The following LMX1B variants were observed in gnomAD, a reference collection of about 807,000 sequenced individuals.
LMX1B encodes the protein LIM homeobox transcription factor 1 beta.
Under a neutral mutation model 51.4 loss-of-function variants are expected in LMX1B, and 12 were observed. The observed-to-expected ratio is 0.23, with a 90% CI of 0.15 to 0.38. The LOEUF (loss-of-function observed/expected upper bound fraction) is 0.38, where lower values mean the gene tolerates loss of function less well. Among genes scored for constraint, LMX1B ranks in the 10% least tolerant of loss-of-function variants. The pLI, the probability that LMX1B is intolerant of heterozygous loss-of-function variation, is 1.00. For synonymous variants in LMX1B, 237 were observed against 235.4 expected (o/e 1.01, Z -0.06); for missense variants, 445 against 571.1 (o/e 0.78, Z 2.25).
In LMX1B at chr9:126,626,925, G is replaced by A. The variant is rs1835545175; in HGVS notation, c.326+11356G>A. Among the ~76,000 whole-genome samples, 1 of 152,184 alleles carries A rather than the reference G, an allele frequency of 6.6e-6. No individual in the cohort carries two copies. The highest frequency in any genetic ancestry group is 6.5e-5 in the Admixed American group (1 of 15,286). ...GCAGATGGTTCCTATCAGCCCGGCC[G>A]GGCCCGCAGCGTCCGCCGGTCCGTC... is the stretch of plus-strand genomic sequence containing the variant. On this transcript the variant is annotated intron_variant, in intron 2 of 7. Coordinates refer to ENST00000373474, the MANE Select transcript of LMX1B (RefSeq NM_001174147.2). This position sits in a 1 kb window ranked among gnomAD's most constrained non-coding sequence, Gnocchi z 4.3.
intron 2 of LMX1B, among the ~76,000 whole-genome samples, chr9:126,687,645 A>G (rs1364743784): frequency 6.6e-6 from 1 of 152,240 alleles, no homozygotes; most frequent in Non-Finnish European, 1.5e-5. Flanking sequence ...GCTGCTTTAC[A>G]CTGACAACTC....
intron 2 of LMX1B, among the ~76,000 whole-genome samples, chr9:126,632,532 T>C (rs940172951): frequency 7.9e-5 from 12 of 152,124 alleles, no homozygotes; most frequent in Non-Finnish European, 1.8e-4. Context: ...TGAAGGTTAT[T>C]GGACAGGGGA....
intron 2 of LMX1B, among the ~76,000 whole-genome samples, chr9:126,652,216 A>G (rs1481384369): frequency 1.4e-5 from 2 of 144,676 alleles, no homozygotes; most frequent in African/African-American, 2.6e-5. Flanking sequence ...CCGAGGCATG[A>G]TTGAGAGGGG....
Position 126,613,957 on chromosome 9 carries a change from G to A in LMX1B, c.-493G>A, listed in dbSNP as rs982465599. ...CCAGCTCTAAACCCGGCGGCTCAGC[G>A]GGCGCACCATGGCACTGGAGTAGCG... On this transcript the variant is annotated 5_prime_UTR_variant, in exon 1 of 8. Coordinates refer to ENST00000373474, the MANE Select transcript of LMX1B (RefSeq NM_001174147.2). This position sits in a 1 kb window ranked among gnomAD's most constrained non-coding sequence, Gnocchi z 4.5. 3.4e-5 allele frequency among the ~76,000 whole-genome samples: 5 copies of A among 146,240 alleles called. No individual in the cohort carries two copies. The South Asian group carries it at 6.2e-4, about 18-fold the overall frequency.
intron 2 of LMX1B, among the ~76,000 whole-genome samples, chr9:126,685,839 C>T (rs936904485): frequency 6.6e-6 from 1 of 152,088 alleles, no homozygotes; most frequent in Admixed American, 6.6e-5. Context: ...TCATCATCCC[C>T]ATTGGACAGA....
chr9:126,652,001 G>C (rs939455088), intron 2 of LMX1B, among the ~76,000 whole-genome samples: 1 of 48,738 alleles, frequency 2.1e-5, no homozygotes, highest in Admixed American at 3.0e-4. Flanking sequence ...GGCCAGAGAT[G>C]GGGGGGGGCC....
rs1367508168 is a variant in LMX1B, at chr9:126,673,447, T to G, written c.327-17389T>G. Reference sequence around the variant, plus strand: ...CAGTGGGGTCAAGCTCAGGGACCAGTGTAGAAAGAGGCTAACCCAGGGCTC... The same window carrying G: ...CAGTGGGGTCAAGCTCAGGGACCAGGGTAGAAAGAGGCTAACCCAGGGCTC... On this transcript the variant is annotated intron_variant, in intron 2 of 7. Transcript: ENST00000373474. This position sits in a 1 kb window ranked among gnomAD's most constrained non-coding sequence, Gnocchi z 4.4. Among the ~76,000 whole-genome samples, 1 of 152,006 alleles carries G rather than the reference T, an allele frequency of 6.6e-6. No individual in the cohort carries two copies. Among genetic ancestry groups the G allele is most frequent in the Non-Finnish European group, 1.5e-5 (1 of 67,994 alleles).
At chr9:126,651,177 C>G (rs1027332714) in intron 2 of LMX1B, among the ~76,000 whole-genome samples, 2 of 152,046 alleles carry the variant, frequency 1.3e-5, no homozygotes, top group Non-Finnish European at 2.9e-5. Context: ...CCCTCCTTCT[C>G]TCCGTGCTGG....
chr9:126,670,967 C>T (rs142494561), intron 2 of LMX1B, among the ~76,000 whole-genome samples: 7 of 152,198 alleles, frequency 4.6e-5, no homozygotes, highest in Non-Finnish European at 1.0e-4. Context: ...GGGAGCCCAG[C>T]ACACACAGAC....
rs187796607 is a variant in LMX1B at position 126,674,279 on chromosome 9, A to G, written c.327-16557A>G. 3.3e-3 allele frequency among the ~76,000 whole-genome samples: 506 copies of G among 152,218 alleles called. 6 individuals are homozygous for G. Among genetic ancestry groups the G allele is most frequent in the African/African-American group, 0.011 (477 of 41,526 alleles). On this transcript the variant is annotated intron_variant, in intron 2 of 7. Coordinates refer to ENST00000373474, the MANE Select transcript of LMX1B (RefSeq NM_001174147.2). The stretch of plus-strand genomic sequence containing the variant: ...CTGGAGCCCTCCTCACCCCAACACC[A>G]TGCCCTGTGGAAGCTCCTCTTCCTT...
At chr9:126,642,896 G>A (rs976546702) in intron 2 of LMX1B, among the ~76,000 whole-genome samples, 11 of 152,188 alleles carry the variant, frequency 7.2e-5, no homozygotes, top group South Asian at 4.1e-4. Flanking sequence ...TCTGCAGCCC[G>A]GGAAATCGGG....
chr9:126,624,397 C>T (rs1835479948), intron 2 of LMX1B, among the ~76,000 whole-genome samples: 1 of 152,254 alleles, frequency 6.6e-6, no homozygotes, highest in Non-Finnish European at 1.5e-5. Flanking sequence ...GCCCTCGCCC[C>T]TCCCCAAGCC....
chr9:126,616,038 C>T (rs1473321330), intron 2 of LMX1B, among the ~76,000 whole-genome samples: 1 of 152,216 alleles, frequency 6.6e-6, no homozygotes, highest in Admixed American at 6.5e-5. Context: ...ACGGCCTGAG[C>T]GGCAAGGGAG....
chr9:126,652,518 G>A (rs1183270887), intron 2 of LMX1B, among the ~76,000 whole-genome samples: 3 of 152,260 alleles, frequency 2.0e-5, no homozygotes, highest in African/African-American at 7.2e-5. Flanking sequence ...CTAATGCTAC[G>A]TGAATGTGCA....
chr9:126,667,293 C>T (rs987413717), intron 2 of LMX1B, among the ~76,000 whole-genome samples: 1 of 152,374 alleles, frequency 6.6e-6, no homozygotes, highest in African/African-American at 2.4e-5. Flanking sequence ...CACATCAGTA[C>T]ACGCAGATTT....
At chr9:126,639,375 A>G (rs1264967319) in intron 2 of LMX1B, among the ~76,000 whole-genome samples, 1 of 152,070 alleles carries the variant, frequency 6.6e-6, no homozygotes, top group Non-Finnish European at 1.5e-5. Flanking sequence ...GAGCAGGTGA[A>G]TCTGATTCTC....
intron 2 of LMX1B, among the ~76,000 whole-genome samples, chr9:126,656,341 G>A (rs149975915): frequency 6.6e-6 from 1 of 152,026 alleles, no homozygotes; most frequent in Non-Finnish European, 1.5e-5. Flanking sequence ...CTTGAGCTCA[G>A]GAGTTCAAGA....
intron 2 of LMX1B, among the ~76,000 whole-genome samples, chr9:126,674,806 T>C (rs1447483562): frequency 6.6e-6 from 1 of 152,220 alleles, no homozygotes; most frequent in Non-Finnish European, 1.5e-5. Context: ...GGACCCGCTG[T>C]GCCTCTCACC....
chr9:126,690,322 G>A (rs891426576), intron 2 of LMX1B, among the ~76,000 whole-genome samples: 10 of 152,156 alleles, frequency 6.6e-5, no homozygotes, highest in Non-Finnish European at 1.5e-4. Flanking sequence ...GGGGTTTGAA[G>A]GATTGAAGGG....
Sources: gnomAD v4.1 joint callset for allele counts (sites outside exome capture counted in the v4.1 genomes callset) on GRCh38, gnomAD v4.1.1 for gene constraint, Gnocchi (gnomAD v3.1) non-coding constraint, MANE v1.5 for transcripts, NCBI Gene and HGNC (gene_info 2026-07-23, HGNC 2026-07-21) for gene names.